PTPRD: variants seen among roughly 807,000 people sequenced by gnomAD.
PTPRD encodes the protein protein tyrosine phosphatase receptor type D, also known as receptor-type tyrosine-protein phosphatase delta.
In PTPRD, 34 loss-of-function variants were observed where a neutral mutation model predicts 214.5. The ratio of observed to expected loss-of-function variants is 0.16; its 90% CI spans 0.12 to 0.21. The LOEUF is 0.21. PTPRD is among the 10% of genes least tolerant of loss of function. The pLI is 1.00. For synonymous variants in PTPRD, 1,128 were observed against 845.7 expected, an observed-to-expected ratio of 1.33 and a Z score of -5.79; for missense variants, 2,545 against 2,398.7, an observed-to-expected ratio of 1.06 and a Z score of -1.27.
chr9:9,138,937 A>G (rs574946135), intron 10 of PTPRD, among the ~76,000 whole-genome samples: 8 of 152,310 alleles, frequency 5.3e-5, no homozygotes, highest in African/African-American at 1.9e-4. Flanking sequence ...ACACTAAGTA[A>G]TAGCATAATA....
intron 5 of PTPRD, among the ~76,000 whole-genome samples, chr9:9,834,022 G>C (rs1013595758): frequency 6.6e-6 from 1 of 152,030 alleles, no homozygotes; most frequent in Non-Finnish European, 1.5e-5. Context: ...GTAAAGACAG[G>C]CATAGGAAAT....
intron 7 of PTPRD, among the ~76,000 whole-genome samples, chr9:9,600,754 A>T (rs1388234165): frequency 6.6e-6 from 1 of 152,072 alleles, no homozygotes; most frequent in Non-Finnish European, 1.5e-5. Flanking sequence ...CATCCTTCCG[A>T]TTTTATTCAC....
chr9:8,447,886 T>C (rs1026638429), intron 34 of PTPRD, among the ~76,000 whole-genome samples: 5 of 152,182 alleles, frequency 3.3e-5, no homozygotes, highest in Non-Finnish European at 7.3e-5. Flanking sequence ...GTTTTTCTAT[T>C]TCCACAACAT....
At chr9:9,389,385 C>T (rs2065023747) in intron 9 of PTPRD, among the ~76,000 whole-genome samples, 1 of 152,080 alleles carries the variant, frequency 6.6e-6, no homozygotes, top group Non-Finnish European at 1.5e-5. Flanking sequence ...TGGCACATGC[C>T]TGTAATCCCA....
At chr9:8,376,846 C>G in intron 37 of PTPRD, 120 bp from the exon 38 acceptor site, 6 of 1,354,582 alleles carry the variant, frequency 4.4e-6, no homozygotes, top group Non-Finnish European at 6.1e-6. Flanking sequence ...TGATCTTTTT[C>G]TGGCATGCAT....
At chr9:9,111,087 G>T (rs966068185) in intron 10 of PTPRD, among the ~76,000 whole-genome samples, 6 of 151,944 alleles carry the variant, frequency 3.9e-5, no homozygotes, top group Non-Finnish European at 7.4e-5. Flanking sequence ...AGAAGTTAAA[G>T]TGAGCTATCT....
At chr9:9,301,642 G>A (rs1228328003) in intron 9 of PTPRD, among the ~76,000 whole-genome samples, 2 of 151,810 alleles carry the variant, frequency 1.3e-5, no homozygotes, top group Non-Finnish European at 2.9e-5. Flanking sequence ...ACTTTTGATG[G>A]AACACTAATC....
rs201735410 is a variant in PTPRD at position 10,523,618 on chromosome 9, T to TAGAGAGAGAGAGAGAGAGAG, written c.-600+88779_-600+88780insCTCTCTCTCTCTCTCTCTCT. ...ATTTATCTGTATATATATATATATA[T>TAGAGAGAGAGAGAGAGAGAG]ATATAGACAGAAAGAAAGGGAGAGA... On this transcript the variant is annotated intron_variant, in intron 2 of 45. Transcript: ENST00000381196. Among the ~76,000 whole-genome samples, 58 of 116,154 alleles carry TAGAGAGAGAGAGAGAGAGAG rather than the reference T, an allele frequency of 5.0e-4. 1 individual carries two copies. Among genetic ancestry groups the TAGAGAGAGAGAGAGAGAGAG allele is most frequent in the East Asian group, 4.8e-4 (2 of 4,134 alleles). The allele number at this position is 116,154 out of a possible 152,430, so 76.2% of individuals were successfully genotyped here. A position where few individuals can be genotyped will look rare whatever the true frequency, so the allele number is the denominator to read the frequency against.
At chr9:9,373,181 TG>T (rs1299372331) in intron 9 of PTPRD, among the ~76,000 whole-genome samples, 1 of 152,112 alleles carries the variant, frequency 6.6e-6, no homozygotes, top group Non-Finnish European at 1.5e-5. Flanking sequence ...ACTGAAGACC[TG>T]GACTTTCTCA....
Position 10,508,686 on chromosome 9 carries a change from A to T in PTPRD, c.-600+103712T>A, listed in dbSNP as rs374648249. On this transcript the variant is annotated intron_variant, in intron 2 of 45. Coordinates refer to ENST00000381196, the MANE Select transcript of PTPRD (RefSeq NM_002839.4). Reference sequence around the variant, plus strand: ...TAGAAACCATCATTCTCAGCAAACTATCGCAAGGACAAAAAAACAAACACC... The same window carrying T: ...TAGAAACCATCATTCTCAGCAAACTTTCGCAAGGACAAAAAAACAAACACC... 1.3e-3 allele frequency among the ~76,000 whole-genome samples: 199 copies of T among 152,294 alleles called. 3 individuals carry two copies. The Middle Eastern group carries it at 0.027, about 21-fold the overall frequency.
chr9:10,133,973 T>C (rs149838471), intron 3 of PTPRD, among the ~76,000 whole-genome samples: 2 of 152,130 alleles, frequency 1.3e-5, no homozygotes, highest in Non-Finnish European at 2.9e-5. Flanking sequence ...ATTCAAGCAA[T>C]GTTTTATCAA....
intron 2 of PTPRD, among the ~76,000 whole-genome samples, chr9:10,580,452 A>G (rs901203734): frequency 2.0e-5 from 3 of 152,172 alleles, no homozygotes; most frequent in Admixed American, 6.5e-5. Context: ...GATTTAAAAC[A>G]CTTTTTGGTT....
At chr9:10,421,622 T>G (rs747246986) in intron 2 of PTPRD, among the ~76,000 whole-genome samples, 3 of 152,028 alleles carry the variant, frequency 2.0e-5, no homozygotes, top group African/African-American at 7.2e-5. Context: ...CTACAAAGCA[T>G]TGCATACCAT....
intron 44 of PTPRD, among the ~76,000 whole-genome samples, chr9:8,322,842 A>G (rs1235574781): frequency 1.3e-5 from 2 of 152,198 alleles, no homozygotes; most frequent in Non-Finnish European, 2.9e-5. Context: ...TCAGAACTTC[A>G]AAGAACAGGC....
At chr9:9,538,706 G>C (rs1440989976) in intron 8 of PTPRD, among the ~76,000 whole-genome samples, 2 of 151,830 alleles carry the variant, frequency 1.3e-5, no homozygotes, top group African/African-American at 4.8e-5. Flanking sequence ...AATCGATATT[G>C]ATACATATAC....
chr9:10,067,475 CTT>C (rs960959281), intron 3 of PTPRD, among the ~76,000 whole-genome samples: 7 of 151,808 alleles, frequency 4.6e-5, no homozygotes, highest in Admixed American at 2.6e-4. Context: ...CATGTGGAAA[CTT>C]AGACACAGAA....
At chr9:8,473,770 C>G (rs2096707613) in intron 30 of PTPRD, among the ~76,000 whole-genome samples, 1 of 152,190 alleles carries the variant, frequency 6.6e-6, no homozygotes, top group Admixed American at 6.5e-5. Flanking sequence ...AACAGCCTCC[C>G]CCACGGCAAT....
intron 32 of PTPRD, among the ~76,000 whole-genome samples, chr9:8,464,262 T>C (rs2096494048): frequency 6.6e-6 from 1 of 151,980 alleles, no homozygotes; most frequent in Admixed American, 6.6e-5. Context: ...AGAAATTTCC[T>C]CTCAAATATT....
chr9:8,677,439 C>T (rs2097449785), intron 12 of PTPRD, among the ~76,000 whole-genome samples: 1 of 152,184 alleles, frequency 6.6e-6, no homozygotes, highest in Admixed American at 6.5e-5. Context: ...CCAAACACCT[C>T]AAGTTCTCAC....
Sources: gnomAD v4.1 joint callset for allele counts (sites outside exome capture counted in the v4.1 genomes callset) on GRCh38, gnomAD v4.1.1 for gene constraint, MANE v1.5 for transcripts, NCBI Gene and HGNC (gene_info 2026-07-23, HGNC 2026-07-21) for gene names.